The following MYO10 variants were observed in gnomAD, a reference collection of about 807,000 sequenced individuals.
The protein encoded by MYO10 is myosin X.
Under a neutral mutation model 257.3 loss-of-function variants are expected in MYO10, and 133 were observed. The observed-to-expected ratio is 0.52, with a 90% confidence interval of 0.45 to 0.60. The LOEUF (loss-of-function observed/expected upper bound fraction) is 0.60. MYO10 is among the 20% of genes least tolerant of loss of function. MYO10 has a pLI of 0.00. For synonymous variants in MYO10, 1,104 were observed against 1,028.6 expected (o/e 1.07, Z -1.40); for missense variants, 2,399 against 2,635.7 (o/e 0.91, Z 1.97).
intron 19 of MYO10, among the ~76,000 whole-genome samples, chr5:16,753,466 C>CTTTT (rs143614063): frequency 7.2e-5 from 6 of 83,172 alleles, no homozygotes; most frequent in African/African-American, 2.1e-4. Flanking sequence ...CGTGCCCGGC[C>CTTTT]TTTTTTTTTT....
chr5:16,713,015 G>A (rs1470200786), intron 19 of MYO10, among the ~76,000 whole-genome samples: 1 of 152,002 alleles, frequency 6.6e-6, no homozygotes, highest in Admixed American at 6.6e-5. Context: ...AGATTTATTT[G>A]GGAATATAAT....
intron 2 of MYO10, among the ~76,000 whole-genome samples, chr5:16,845,170 A>T (rs1743596918): frequency 6.6e-6 from 1 of 152,120 alleles, no homozygotes; most frequent in Non-Finnish European, 1.5e-5. Context: ...TGCAGGTGGC[A>T]GTACATTTTT....
At chr5:16,758,781 A>T (rs1579957213) in intron 17 of MYO10, among the ~76,000 whole-genome samples, 1 of 152,292 alleles carries the variant, frequency 6.6e-6, no homozygotes, top group East Asian at 1.9e-4. Context: ...CCCTAATGCC[A>T]GGTGAGAATG....
At chr5:16,886,672 C>A (rs1345789393) in intron 1 of MYO10, among the ~76,000 whole-genome samples, 2 of 152,122 alleles carry the variant, frequency 1.3e-5, no homozygotes, top group Non-Finnish European at 2.9e-5. Context: ...TGGCTCCTGA[C>A]TGTAATCCCA....
intron 19 of MYO10, among the ~76,000 whole-genome samples, chr5:16,740,589 C>T (rs964624558): frequency 6.6e-6 from 1 of 152,050 alleles, no homozygotes; most frequent in South Asian, 2.1e-4. Context: ...CGACTGGGGT[C>T]GCCTCTCTAA....
At chr5:16,753,773 T>A (rs766385330) in intron 19 of MYO10, among the ~76,000 whole-genome samples, 9 of 152,112 alleles carry the variant, frequency 5.9e-5, no homozygotes, top group Non-Finnish European at 1.3e-4. Flanking sequence ...GCCCGGCTAC[T>A]GTGGTTCTTA....
intron 19 of MYO10, chr5:16,713,603 G>A (rs1047984014): frequency 1.2e-5 from 8 of 662,958 alleles, no homozygotes; most frequent in Admixed American, 6.3e-5. Flanking sequence ...CTCCCATTGC[G>A]ATTGTGTCCC....
intron 9 of MYO10, among the ~76,000 whole-genome samples, chr5:16,770,019 T>C (rs1740998101): frequency 1.3e-5 from 2 of 152,084 alleles, no homozygotes; most frequent in South Asian, 4.2e-4. Context: ...CCTTCCAGCT[T>C]GGCCTTCCAA....
chr5:16,738,528 G>C lies in MYO10; in HGVS notation c.1929+16300C>G, dbSNP rs147276228. On this transcript the variant is annotated intron_variant, in intron 19 of 40. Coordinates refer to ENST00000513610, the MANE Select transcript of MYO10 (RefSeq NM_012334.3). ...CCTCACTTCTCCCTTCTCAGCAGGT[G>C]TATGTGTATGTATATCTATATAATC... The C allele has an allele frequency of 4.3e-3, 1,499 of 346,636 alleles. 3 individuals are homozygous for C. Among genetic ancestry groups the C allele is most frequent in the Non-Finnish European group, 5.7e-3 (1,396 of 246,330 alleles). The allele number at this position is 346,636 out of a possible 1,614,324, so 21.5% of individuals were successfully genotyped here.
chr5:16,818,606 ATTT>A (rs34322258), intron 2 of MYO10, among the ~76,000 whole-genome samples: 4 of 145,156 alleles, frequency 2.8e-5, no homozygotes, highest in African/African-American at 5.1e-5. Flanking sequence ...TAATTTTTGC[ATTT>A]TTTTTTTTTT....
intron 2 of MYO10, among the ~76,000 whole-genome samples, chr5:16,874,269 G>GTA (rs1405529944): frequency 6.9e-6 from 1 of 145,082 alleles, no homozygotes; most frequent in Non-Finnish European, 1.5e-5. Context: ...GGGACGTAGA[G>GTA]CTTGCAGTGA....
At chr5:16,709,808 T>C (rs1206687882) in intron 21 of MYO10, among the ~76,000 whole-genome samples, 8 of 152,208 alleles carry the variant, frequency 5.3e-5, no homozygotes, top group Non-Finnish European at 1.0e-4. Flanking sequence ...AGCTAGCTCA[T>C]GTGATTATCT....
Position 16,699,460 on chromosome 5 carries a change from C to T in MYO10, c.3546G>A (p.Leu1182=). The change falls in exon 26 of 41, where the codon CTG becomes CTA. Residue 1182 remains leucine (L), a synonymous_variant. Transcript: ENST00000513610. ...CVTLPYFHSF[L]YMKGGLMNSW... ...CGGCTGCAGTCATACCTTTCATGTA[C>T]AGAAAGCTGTGGAAATACGGCAGAG... 14 of 1,613,782 alleles carry T rather than the reference C, an allele frequency of 8.7e-6. No individual in the cohort carries two copies. The highest frequency in any genetic ancestry group is 1.1e-5 in the South Asian group (1 of 91,080).
chr5:16,732,280 G>A (rs1739614792), intron 19 of MYO10, among the ~76,000 whole-genome samples: 2 of 152,160 alleles, frequency 1.3e-5, no homozygotes, highest in African/African-American at 4.8e-5. Context: ...CTACAGATTT[G>A]TTCCAAATCA....
chr5:16,664,773 GTGT>G lies in MYO10; in HGVS notation c.*1916_*1918del. 6.6e-6 allele frequency: 1 copy of G among 152,186 alleles called. No homozygotes were observed. The highest frequency in any genetic ancestry group is 1.5e-5 in the Non-Finnish European group (1 of 68,042). 9.4% of individuals were successfully genotyped at this position (152,186 alleles called of 1,614,324 possible). A position where few individuals can be genotyped will look rare whatever the true frequency, so the allele number is the denominator to read the frequency against. ...AAACACATTTCAAGTCCTCAGCTGT[GTGT>G]GACTTCATTTACCAGTCCCTTCTTT... On this transcript the variant is annotated 3_prime_UTR_variant, in exon 41 of 41. Coordinates refer to ENST00000513610, the MANE Select transcript of MYO10 (RefSeq NM_012334.3).
At position 16,701,160 on chromosome 5, in the gene MYO10, C is replaced by T. The variant is rs775296512; in HGVS notation, c.3235G>A (p.Ala1079Thr). Residue 1079 changes from alanine to threonine, a missense_variant, in exon 25 of 41, where the codon GCT (alanine) becomes ACT (threonine). Coordinates refer to ENST00000513610, the MANE Select transcript of MYO10 (RefSeq NM_012334.3). This position sits in a 1 kb window ranked among gnomAD's most constrained non-coding sequence, Gnocchi z 8.1. ...CCGTCTGGGGAGGGCAAGTCCCCAG[C>T]GTTCTGGGGCATGCAGTAGGTGGAC... ...GESTYCMPQNAGDLPSPDGDY... is the reference protein window; with the variant it reads ...GESTYCMPQNTGDLPSPDGDY... The T allele has an allele frequency of 1.1e-5, 18 of 1,604,312 alleles. No homozygotes were observed. Among genetic ancestry groups the T allele is most frequent in the Admixed American group, 8.6e-5 (5 of 58,294 alleles).
At chr5:16,816,207 C>T (rs190459013) in intron 3 of MYO10, among the ~76,000 whole-genome samples, 5 of 151,802 alleles carry the variant, frequency 3.3e-5, no homozygotes, top group African/African-American at 7.3e-5. Flanking sequence ...GGCGTGGTAG[C>T]ACACGCCTGT....
intron 1 of MYO10, 66 bp from the exon 2 acceptor site, chr5:16,877,773 G>T: frequency 8.3e-7 from 1 of 1,207,106 alleles, no homozygotes; most frequent in Non-Finnish European, 1.2e-6. Flanking sequence ...CTGTACTGTC[G>T]AAATTACCCT....
At chr5:16,760,295 CAAAAAAAA>C (rs749694848) in intron 17 of MYO10, among the ~76,000 whole-genome samples, 3 of 107,314 alleles carry the variant, frequency 2.8e-5, no homozygotes, top group African/African-American at 1.0e-4. Flanking sequence ...ACTAAAGATA[CAAAAAAAA>C]AAAAAAAAAT....
Sources: gnomAD v4.1 joint callset for allele counts (sites outside exome capture counted in the v4.1 genomes callset) on GRCh38, gnomAD v4.1.1 for gene constraint, Gnocchi (gnomAD v3.1) non-coding constraint, MANE v1.5 for transcripts, NCBI Gene and HGNC (gene_info 2026-07-23, HGNC 2026-07-21) for gene names.